Variants in ADAMTS3 observed in about 807,000 individuals in gnomAD.
ADAMTS3 encodes A disintegrin and metalloproteinase with thrombospondin motifs 3.
In ADAMTS3, 73 loss-of-function variants were observed where a neutral mutation model predicts 129.0. The observed-to-expected ratio is 0.57, with a 90% CI of 0.47 to 0.69. The LOEUF (loss-of-function observed/expected upper bound fraction) is 0.69, where lower values mean the gene tolerates loss of function less well. Among genes scored for constraint, ADAMTS3 ranks in the 30% least tolerant of loss-of-function variants. ADAMTS3 has a pLI of 0.00. For synonymous variants in ADAMTS3, 477 were observed against 510.8 expected (o/e 0.93, Z 0.89); for missense variants, 1,457 against 1,514.5 (o/e 0.96, Z 0.63).
In ADAMTS3 at chr4:72,309,149, G is replaced by A. The variant is rs1273043422; in HGVS notation, c.2179+248C>T. ...TTAGCTAGCTAGTATAACTGATACT[G>A]ATTTTACTTGTTTCTTTTCTAAATT... is the stretch of plus-strand genomic sequence containing the variant. On this transcript the variant is annotated intron_variant, in intron 15 of 21. Coordinates refer to ENST00000286657, the MANE Select transcript of ADAMTS3 (RefSeq NM_014243.3). Among the ~76,000 whole-genome samples, 28 of 151,390 alleles carry A rather than the reference G, an allele frequency of 1.8e-4. No homozygotes were observed. In the Admixed American group the frequency reaches 1.8e-3, roughly 10 times the overall value.
chr4:72,408,204 A>T (rs575084432), intron 4 of ADAMTS3, among the ~76,000 whole-genome samples: 1 of 152,316 alleles, frequency 6.6e-6, no homozygotes, highest in South Asian at 2.1e-4. Flanking sequence ...TTTCAGAGCC[A>T]CATTTATTTT....
At chr4:72,516,294 A>C (rs12505244) in intron 3 of ADAMTS3, among the ~76,000 whole-genome samples, 47,124 of 151,882 alleles carry the variant, frequency 0.31, 7,460 homozygotes, top group Middle Eastern at 0.35. Context: ...TCGTTCTTTT[A>C]GCTTAGGATT....
At chr4:72,540,984 G>A (rs1375331394) in intron 3 of ADAMTS3, among the ~76,000 whole-genome samples, 1 of 152,166 alleles carries the variant, frequency 6.6e-6, no homozygotes, top group Non-Finnish European at 1.5e-5. Flanking sequence ...ACCACCTAGT[G>A]GAGCTGTGAG....
chr4:72,503,312 C>T (rs540882454), intron 3 of ADAMTS3, among the ~76,000 whole-genome samples: 1 of 152,304 alleles, frequency 6.6e-6, no homozygotes, highest in African/African-American at 2.4e-5. Context: ...TGAGACACCA[C>T]TCCCAGCCTT....
At chr4:72,485,510 A>T (rs562323541) in intron 3 of ADAMTS3, among the ~76,000 whole-genome samples, 58 of 149,948 alleles carry the variant, frequency 3.9e-4, no homozygotes, top group Non-Finnish European at 7.6e-4. Context: ...TTAACAGGTT[A>T]TTTTTTTTTT....
intron 3 of ADAMTS3, among the ~76,000 whole-genome samples, chr4:72,535,436 C>A (rs913254451): frequency 1.3e-5 from 2 of 152,112 alleles, no homozygotes; most frequent in African/African-American, 4.8e-5. Flanking sequence ...ATGAGACACC[C>A]CAGCATCTAA....
At chr4:72,434,936 A>G (rs937372391) in intron 3 of ADAMTS3, among the ~76,000 whole-genome samples, 1 of 151,842 alleles carries the variant, frequency 6.6e-6, no homozygotes, top group Admixed American at 6.6e-5. Context: ...CTGACATCTA[A>G]CAAGAAAATG....
At chr4:72,564,977 T>C (rs1373501851) in intron 2 of ADAMTS3, among the ~76,000 whole-genome samples, 2 of 152,184 alleles carry the variant, frequency 1.3e-5, no homozygotes, top group Non-Finnish European at 2.9e-5. Flanking sequence ...TGCTTGGCAG[T>C]TGGCATGAGG....
intron 4 of ADAMTS3, among the ~76,000 whole-genome samples, chr4:72,372,688 T>A (rs939652308): frequency 5.4e-4 from 82 of 152,070 alleles, no homozygotes; most frequent in Non-Finnish European, 9.4e-4. Context: ...TAGAATTTTT[T>A]AAAAAAATAT....
intron 5 of ADAMTS3, among the ~76,000 whole-genome samples, chr4:72,332,983 G>A (rs1719889648): frequency 6.6e-6 from 1 of 152,134 alleles, no homozygotes; most frequent in African/African-American, 2.4e-5. Flanking sequence ...TTAAGGCTCA[G>A]AAGGCAGATA....
chr4:72,498,170 G>A lies in ADAMTS3; in HGVS notation c.504+50308C>T, dbSNP rs114466510. Among the ~76,000 whole-genome samples, 550 of 152,070 alleles carry A rather than the reference G, an allele frequency of 3.6e-3. 3 individuals carry two copies. Among genetic ancestry groups the A allele is most frequent in the African/African-American group, 0.013 (532 of 41,486 alleles). On this transcript the variant is annotated intron_variant, in intron 3 of 21. Coordinates refer to ENST00000286657, the MANE Select transcript of ADAMTS3 (RefSeq NM_014243.3). ...TCTTAGAGAGCGAACACTATATATT[G>A]AGGCTGGCAATATTTATCATTTTGC...
At chr4:72,479,242 C>T (rs1371562844) in intron 3 of ADAMTS3, among the ~76,000 whole-genome samples, 1 of 152,156 alleles carries the variant, frequency 6.6e-6, no homozygotes, top group East Asian at 1.9e-4. Flanking sequence ...CCAAGTCAAT[C>T]CTAAGCCAAA....
chr4:72,564,923 C>T (rs998259979), intron 2 of ADAMTS3, among the ~76,000 whole-genome samples: 1 of 152,164 alleles, frequency 6.6e-6, no homozygotes. Context: ...ATCAATTTAT[C>T]CTGTTAGAAG....
intron 18 of ADAMTS3, among the ~76,000 whole-genome samples, chr4:72,297,074 G>A (rs1718829117): frequency 6.6e-6 from 1 of 152,044 alleles, no homozygotes; most frequent in Admixed American, 6.6e-5. Flanking sequence ...GAAGACTGAA[G>A]GATTTTAATC....
chr4:72,545,875 C>T (rs192650438), intron 3 of ADAMTS3, among the ~76,000 whole-genome samples: 1 of 152,306 alleles, frequency 6.6e-6, no homozygotes, highest in East Asian at 1.9e-4. Context: ...TAGCTAAAAA[C>T]TTATGCCTAT....
chr4:72,467,981 G>C (rs927606776), intron 3 of ADAMTS3, among the ~76,000 whole-genome samples: 1 of 151,064 alleles, frequency 6.6e-6, no homozygotes, highest in Non-Finnish European at 1.5e-5. Context: ...GTATGTATCA[G>C]AGCAAAGAAG....
chr4:72,490,155 T>C (rs1240697917), intron 3 of ADAMTS3, among the ~76,000 whole-genome samples: 1 of 151,960 alleles, frequency 6.6e-6, no homozygotes, highest in African/African-American at 2.4e-5. Context: ...CCATTTGTTG[T>C]CTTCTATTGA....
At chr4:72,388,321 G>C (rs552249168) in intron 4 of ADAMTS3, among the ~76,000 whole-genome samples, 1 of 152,196 alleles carries the variant, frequency 6.6e-6, no homozygotes, top group Non-Finnish European at 1.5e-5. Flanking sequence ...TAGGCCAGGA[G>C]AGGAACTGGT....
intron 3 of ADAMTS3, among the ~76,000 whole-genome samples, chr4:72,492,766 T>C (rs1261575890): frequency 6.6e-6 from 1 of 151,868 alleles, no homozygotes; most frequent in Non-Finnish European, 1.5e-5. Context: ...TTGATATTCA[T>C]ATTTGAATGT....
Sources: gnomAD v4.1 joint callset for allele counts (sites outside exome capture counted in the v4.1 genomes callset) on GRCh38, gnomAD v4.1.1 for gene constraint, MANE v1.5 for transcripts, NCBI Gene and HGNC (gene_info 2026-07-23, HGNC 2026-07-21) for gene names.